The following ECPAS variants were observed in gnomAD, a reference collection of about 807,000 sequenced individuals.
ECPAS encodes Ecm29 proteasome adaptor and scaffold.
A neutral mutation model predicts 255.1 loss-of-function variants in ECPAS; 70 were observed. The observed-to-expected ratio is 0.27, with a 90% CI of 0.23 to 0.33. The LOEUF (loss-of-function observed/expected upper bound fraction) is 0.33, where lower values mean the gene tolerates loss of function less well. Among genes scored for constraint, ECPAS ranks in the 10% least tolerant of loss-of-function variants. ECPAS has a pLI of 1.00. For synonymous variants in ECPAS, 784 were observed against 775.0 expected (o/e 1.01, Z -0.19); for missense variants, 1,817 against 2,206.4 (o/e 0.82, Z 3.54).
In ECPAS at chr9:111,472,882, A is replaced by T. The variant is rs2098290792; in HGVS notation, c.22+15T>A. 2 of 1,073,308 alleles carry T rather than the reference A, an allele frequency of 1.9e-6. No individual in the cohort carries two copies. Among genetic ancestry groups the T allele is most frequent in the Non-Finnish European group, 1.2e-6 (1 of 815,992 alleles). 66.5% of individuals were successfully genotyped at this position (1,073,308 alleles called of 1,614,324 possible). A position where few individuals can be genotyped will look rare whatever the true frequency, so the allele number is the denominator to read the frequency against. ...AAAAAAAATGCACACATCCTAAGGA[A>T]CTAAATCTACTAACCTCTACAATCA... On this transcript the variant is annotated intron_variant, in intron 2 of 49. Transcript: ENST00000684092.
intron 37 of ECPAS, among the ~76,000 whole-genome samples, 191 bp downstream of exon 37, chr9:111,376,285 A>G (rs2098133283): frequency 6.6e-6 from 1 of 152,198 alleles, no homozygotes; most frequent in South Asian, 2.1e-4. Flanking sequence ...TGTTTCTGGT[A>G]TTTGGGGAAT....
In ECPAS at chr9:111,440,416, C is replaced by T. The variant is rs1431104194; in HGVS notation, c.495G>A (p.Gln165=). 1.2e-6 allele frequency: 2 copies of T among 1,613,350 alleles called. No homozygotes were observed. The highest frequency in any genetic ancestry group is 2.2e-5 in the East Asian group (1 of 44,866). The change falls in exon 6 of 50, where the codon CAG becomes CAA. Residue 165 remains glutamine, a synonymous_variant. Coordinates refer to ENST00000684092, the MANE Select transcript of ECPAS (RefSeq NM_001364929.1). ...FNLAEKPKTV[Q]LLLDFMLDVL... ...CATCTAGCATGAAGTCCAAAAGCAG[C>T]TGCACAGTCTTTGGTTTCTCAGCAA...
At chr9:111,477,602 A>G (rs1313165556) in intron 1 of ECPAS, among the ~76,000 whole-genome samples, 3 of 152,192 alleles carry the variant, frequency 2.0e-5, no homozygotes, top group Non-Finnish European at 4.4e-5. Flanking sequence ...ACACAGTAGT[A>G]GTAGGGCAGA....
chr9:111,398,615 G>A (rs1042007243), intron 24 of ECPAS, among the ~76,000 whole-genome samples: 1 of 151,964 alleles, frequency 6.6e-6, no homozygotes, highest in East Asian at 1.9e-4. Context: ...GGTGGAAATG[G>A]TTAACAGGTA....
intron 2 of ECPAS, among the ~76,000 whole-genome samples, chr9:111,457,931 A>G (rs1475898958): frequency 3.9e-5 from 6 of 152,216 alleles, no homozygotes; most frequent in Non-Finnish European, 7.4e-5. Flanking sequence ...AATGTGATTT[A>G]GGAAAATATC....
chr9:111,418,675 A>G (rs1323943131), intron 16 of ECPAS, among the ~76,000 whole-genome samples: 3 of 152,212 alleles, frequency 2.0e-5, no homozygotes, highest in Admixed American at 2.0e-4. Flanking sequence ...AAGAAGGAAA[A>G]CTGTTGAATT....
chr9:111,444,034 C>T (rs1011637636), intron 4 of ECPAS, among the ~76,000 whole-genome samples: 5 of 152,032 alleles, frequency 3.3e-5, no homozygotes, highest in African/African-American at 1.2e-4. Context: ...TATTCGTGCC[C>T]AAGCCGTATA....
At chr9:111,363,789 T>C in intron 48 of ECPAS, 130 bp from the exon 49 acceptor site, 1 of 585,316 alleles carries the variant, frequency 1.7e-6, no homozygotes, top group South Asian at 2.1e-5. Flanking sequence ...GATTTTTTTT[T>C]TTTAAAGGAA....
intron 25 of ECPAS, 119 bp from the exon 26 acceptor site, chr9:111,394,424 G>A: frequency 2.1e-6 from 2 of 935,886 alleles, no homozygotes; most frequent in Middle Eastern, 3.7e-4. Flanking sequence ...AATCTAAATG[G>A]CTAAGGTGTT....
intron 1 of ECPAS, among the ~76,000 whole-genome samples, chr9:111,476,447 C>G (rs2098296379): frequency 6.6e-6 from 1 of 152,132 alleles, no homozygotes; most frequent in South Asian, 2.1e-4. Context: ...GGAAAGAAAG[C>G]TACAGGCTCT....
chr9:111,475,811 G>A (rs549901425), intron 1 of ECPAS, among the ~76,000 whole-genome samples: 5 of 151,818 alleles, frequency 3.3e-5, no homozygotes, highest in East Asian at 3.9e-4. Context: ...AGAAATATCC[G>A]TGGTCATTTT....
At chr9:111,423,877 A>G (rs2098217804) in intron 12 of ECPAS, among the ~76,000 whole-genome samples, 1 of 152,232 alleles carries the variant, frequency 6.6e-6, no homozygotes, top group Non-Finnish European at 1.5e-5. Flanking sequence ...ATAAACTTCT[A>G]CCAGTTAAAG....
At chr9:111,475,730 T>C (rs2026644) in intron 1 of ECPAS, among the ~76,000 whole-genome samples, 9,568 of 146,174 alleles carry the variant, frequency 0.065, 455 homozygotes, top group East Asian at 0.21. Flanking sequence ...AGTGAGACTC[T>C]AGTTTCAAAA....
At chr9:111,434,655 T>C (rs2098235106) in intron 7 of ECPAS, among the ~76,000 whole-genome samples, 1 of 148,518 alleles carries the variant, frequency 6.7e-6, no homozygotes, top group African/African-American at 2.5e-5. Context: ...AGTGGTGCAA[T>C]CTTGGCTCAC....
chr9:111,391,356 T>A (rs1399142701), intron 29 of ECPAS, among the ~76,000 whole-genome samples: 2 of 152,028 alleles, frequency 1.3e-5, no homozygotes, highest in Non-Finnish European at 2.9e-5. Flanking sequence ...GGTGGGTGGA[T>A]CTCCTGAGGT....
chr9:111,447,473 A>G (rs189499528), intron 3 of ECPAS, among the ~76,000 whole-genome samples: 2 of 152,142 alleles, frequency 1.3e-5, no homozygotes, highest in Non-Finnish European at 2.9e-5. Flanking sequence ...TGTCATGTTA[A>G]ATATCGGCGA....
At position 111,400,623 on chromosome 9, in the gene ECPAS, A is replaced by C. The variant is rs1030346288; in HGVS notation, c.2653-3470T>G. ...AAAAATCAAATCTTAGAGCTGAAAA[A>C]TATAATGGATGACTGAAAAATGCTT... On this transcript the variant is annotated intron_variant, in intron 24 of 49. Transcript: ENST00000684092. Among the ~76,000 whole-genome samples the C allele has an allele frequency of 5.9e-5, 9 of 152,320 alleles. No individual in the cohort carries two copies. In the East Asian group the frequency reaches 1.7e-3, roughly 29 times the overall value.
intron 1 of ECPAS, among the ~76,000 whole-genome samples, chr9:111,482,008 G>A (rs956437447): frequency 6.6e-6 from 1 of 152,154 alleles, no homozygotes; most frequent in Non-Finnish European, 1.5e-5. Context: ...GAAGAGTTCT[G>A]GAAATGGATG....
chr9:111,484,040 G>C, intron 1 of ECPAS, 76 bp downstream of exon 1: 6 of 1,072,046 alleles, frequency 5.6e-6, no homozygotes, highest in Non-Finnish European at 6.8e-6. Flanking sequence ...GCGGCGGCCT[G>C]TGCGGGCGGC....
Sources: allele counts gnomAD v4.1 joint callset (sites outside exome capture counted in the v4.1 genomes callset), GRCh38; gene constraint gnomAD v4.1.1; transcripts MANE v1.5; gene names NCBI Gene and HGNC (gene_info 2026-07-23, HGNC 2026-07-21).